PRMT7: variants seen among roughly 807,000 people sequenced by gnomAD.
PRMT7 encodes the protein protein arginine methyltransferase 7.
A neutral mutation model predicts 85.4 loss-of-function variants in PRMT7; 75 were observed. The ratio of observed to expected loss-of-function variants is 0.88; its 90% CI spans 0.73 to 1.06. The LOEUF (loss-of-function observed/expected upper bound fraction) is 1.06. PRMT7 is among the 50% of genes least tolerant of loss of function. The pLI is 0.00. For missense variants in PRMT7, 868 were observed against 915.2 expected, an observed-to-expected ratio of 0.95 and a Z score of 0.67; for synonymous variants, 397 against 359.5, an observed-to-expected ratio of 1.10 and a Z score of -1.18.
intron 2 of PRMT7, among the ~76,000 whole-genome samples, chr16:68,313,232 T>C (rs966041375): frequency 7.9e-5 from 12 of 152,128 alleles, no homozygotes; most frequent in Admixed American, 2.6e-4. Context: ...GTTTTTTTTT[T>C]CCTCCAGTTC....
chr16:68,321,427 T>A lies in PRMT7; in HGVS notation c.97T>A (p.Ser33Thr), dbSNP rs2082482271. ...HYDYHQEIAR[S>T]SYADMLHDKD... The stretch of plus-strand genomic sequence containing the variant: ...GTTACTGACTTTTTTGTTTTTTAGG[T>A]CATCTTATGCAGATATGCTACATGA... Residue 33 changes from serine (S) to threonine (T), a missense_variant and splice_region_variant, in exon 4 of 19, where the codon TCA becomes ACA. Coordinates refer to ENST00000441236, the MANE Select transcript of PRMT7 (RefSeq NM_019023.5). 3.7e-6 allele frequency: 6 copies of A among 1,608,876 alleles called. No homozygotes were observed. The East Asian group carries it at 1.1e-4, about 30-fold the overall frequency.
chr16:68,345,514 C>T (rs556148696), intron 9 of PRMT7, among the ~76,000 whole-genome samples, 161 bp from the exon 10 acceptor site: 3 of 152,314 alleles, frequency 2.0e-5, no homozygotes, highest in Admixed American at 2.0e-4. Context: ...GGCCACTGGC[C>T]TCTGAGTTTA....
rs375976443 is a variant in PRMT7 at position 68,348,379 on chromosome 16, T to G, written c.1361T>G (p.Ile454Ser). The change falls in exon 14 of 19, where the codon ATC becomes AGC. Residue 454 changes from isoleucine to serine, a missense_variant. Ile to Ser is a moderately radical substitution (Grantham distance 142). Coordinates refer to ENST00000441236, the MANE Select transcript of PRMT7 (RefSeq NM_019023.5). Reference protein sequence around the residue: ...KANHLEDKINIIEKRPELLTN... With the variant: ...KANHLEDKINSIEKRPELLTN... ...AACCACTTGGAAGATAAAATTAACA[T>G]CATAGAGAAACGGCCGGAATTATTA... The G allele has an allele frequency of 3.7e-6, 6 of 1,611,634 alleles. No individual in the cohort carries two copies. Among genetic ancestry groups the G allele is most frequent in the Non-Finnish European group, 5.1e-6 (6 of 1,177,896 alleles).
In PRMT7 at chr16:68,329,150, T is replaced by A; in HGVS notation, c.367T>A (p.Ser123Thr). The change falls in exon 6 of 19, where the codon TCC (serine) becomes ACC (threonine). Residue 123 changes from serine (S) to threonine (T), a missense_variant. Ser to Thr is a moderately conservative substitution (Grantham distance 58, BLOSUM62 1). Coordinates refer to ENST00000441236, the MANE Select transcript of PRMT7 (RefSeq NM_019023.5). ...TAAGATTAAGGTTATCAACAAGCAT[T>A]CCACCGAGGTGACTGTAGGTCCAGG... ...SDKIKVINKH[S>T]TEVTVGPEGD... is the part of the protein sequence containing the mutation. The A allele has an allele frequency of 6.2e-7, 1 of 1,604,076 alleles. No homozygotes were observed. Among genetic ancestry groups the A allele is most frequent in the Non-Finnish European group, 8.5e-7 (1 of 1,170,972 alleles).
At chr16:68,341,550 C>T (rs932079419) in intron 9 of PRMT7, among the ~76,000 whole-genome samples, 38 of 152,186 alleles carry the variant, frequency 2.5e-4, no homozygotes, top group Non-Finnish European at 4.9e-4. Context: ...GCTGGGATTA[C>T]GGGCATGCGC....
chr16:68,339,435 A>G lies in PRMT7; in HGVS notation c.618A>G (p.Gly206=), dbSNP rs2085188432. The G allele has an allele frequency of 6.2e-7, 1 of 1,614,204 alleles. No homozygotes were observed. The highest frequency in any genetic ancestry group is 8.5e-7 in the Non-Finnish European group (1 of 1,180,028). ...LFPIHVQTSL[G]EQVIVPPVDV... is the part of the protein sequence containing the mutation. ...CCATCCACGTGCAGACCAGCCTCGG[A>G]GAGCAGGTCATCGTCCCTCCCGTTG... The change falls in exon 8 of 19, where the codon GGA becomes GGG. Residue 206 remains glycine (G), a synonymous_variant. Coordinates refer to ENST00000441236, the MANE Select transcript of PRMT7 (RefSeq NM_019023.5).
Position 68,357,778 on chromosome 16 carries a change from C to G in PRMT7, c.*554C>G, listed in dbSNP as rs951261291. ...GGCCCTTTCACCTGACAGGTAACTT[C>G]AAGCCACATCCATAGGTGTCTGGCC... On this transcript the variant is annotated 3_prime_UTR_variant, in exon 19 of 19. Transcript: ENST00000441236. 6.6e-6 allele frequency: 1 copy of G among 151,994 alleles called. No homozygotes were observed. The highest frequency in any genetic ancestry group is 1.5e-5 in the Non-Finnish European group (1 of 68,584). 9.4% of individuals were successfully genotyped at this position (151,994 alleles called of 1,614,324 possible). A position where few individuals can be genotyped will look rare whatever the true frequency, so the allele number is the denominator to read the frequency against.
At chr16:68,359,262 G>A (rs898399603), downstream of PRMT7, 1 of 152,544 alleles carries the variant, frequency 6.6e-6, no homozygotes, top group African/African-American at 2.4e-5. Context: ...AGCTGCTTCT[G>A]GAAGTTGGGG....
chr16:68,337,711 C>T, intron 7 of PRMT7, 140 bp downstream of exon 7: 2 of 432,614 alleles, frequency 4.6e-6, no homozygotes, highest in South Asian at 1.4e-4. Flanking sequence ...CCTGGGGGGG[C>T]TCTGGTTCTC....
In PRMT7 at chr16:68,352,403, G is replaced by A. The variant is rs750470700; in HGVS notation, c.1569G>A (p.Glu523=). The A allele has an allele frequency of 5.0e-6, 8 of 1,598,666 alleles. No homozygotes were observed. The highest frequency in any genetic ancestry group is 6.8e-6 in the Non-Finnish European group (8 of 1,176,206). ...QAASLHAVVV[E]FRDLWRIRSP... is the part of the protein sequence containing the mutation. ...CCTCGCTGCACGCTGTGGTTGTGGA[G>A]TTCAGGGTAGGCCACCCAGGGGATG... is the stretch of plus-strand genomic sequence containing the variant. The change falls in exon 15 of 19, where the codon GAG becomes GAA. Residue 523 remains glutamate, a synonymous_variant. Coordinates refer to ENST00000441236, the MANE Select transcript of PRMT7 (RefSeq NM_019023.5).
rs1218228054 is a variant in PRMT7, at chr16:68,340,583, A to T, written c.927+615A>T. 7.5e-4 allele frequency among the ~76,000 whole-genome samples: 15 copies of T among 20,092 alleles called. No individual in the cohort carries two copies. In the East Asian group the frequency reaches 0.049, roughly 66 times the overall value. The allele number at this position is 20,092 out of a possible 152,430, so 13.2% of individuals were successfully genotyped here. Reference sequence around the variant, plus strand: ...GCAATAAGATGAGAACCTGTCTCTAAAAAAAAAAAAAAAGAGAAATGCAAC... The same window carrying T: ...GCAATAAGATGAGAACCTGTCTCTATAAAAAAAAAAAAAGAGAAATGCAAC... On this transcript the variant is annotated intron_variant, in intron 9 of 18. Coordinates refer to ENST00000441236, the MANE Select transcript of PRMT7 (RefSeq NM_019023.5).
At chr16:68,344,859 A>G (rs892687549) in intron 9 of PRMT7, among the ~76,000 whole-genome samples, 1 of 151,360 alleles carries the variant, frequency 6.6e-6, no homozygotes, top group African/African-American at 2.4e-5. Flanking sequence ...CGCTTTATTA[A>G]TTTAAATTTA....
At chr16:68,359,859 GGGGGCTGTAGGCATCTT>G (rs1417705123), downstream of PRMT7, 11 of 152,264 alleles carry the variant, frequency 7.2e-5, no homozygotes, top group Non-Finnish European at 1.2e-4. Context: ...GAAGGGGCCT[GGGGGCTGTAGGCATCTT>G]GGGGCTGGAG....
intron 9 of PRMT7, among the ~76,000 whole-genome samples, chr16:68,340,924 C>G (rs2085430854): frequency 6.6e-6 from 1 of 152,178 alleles, no homozygotes; most frequent in Non-Finnish European, 1.5e-5. Context: ...TGGATTATTA[C>G]CTGACACAAA....
In PRMT7 at chr16:68,348,340, AG is replaced by A. The variant is rs1422783568; in HGVS notation, c.1324-1del. On this transcript the variant is annotated splice_acceptor_variant, in intron 13 of 18. Transcript: ENST00000441236. LOFTEE classifies it high-confidence loss of function. ...CAGTAATTTTACGGTTTTCTTTCTA[AG>A]ATCTTCAAGGCTAACCACTTGGAAG... The A allele has an allele frequency of 1.9e-6, 3 of 1,592,844 alleles. No individual in the cohort carries two copies. Among genetic ancestry groups the A allele is most frequent in the Admixed American group, 3.4e-5 (2 of 59,534 alleles).
chr16:68,315,868 T>C, intron 2 of PRMT7, 29 bp from the exon 3 acceptor site: 1 of 863,800 alleles, frequency 1.2e-6, no homozygotes, highest in Non-Finnish European at 1.9e-6. Context: ...TTTGTTTATA[T>C]ACCTCCTGTT....
chr16:68,360,724 T>G, downstream of PRMT7: 1 of 158,504 alleles, frequency 6.3e-6, no homozygotes, highest in Non-Finnish European at 1.4e-5. Context: ...CTGGTTCTGA[T>G]TGTGTTTGGA....
In PRMT7 at chr16:68,316,018, G is replaced by T; in HGVS notation, c.39G>T (p.Gly13=). ...GCAGTCGGGCCAATCCGACCACGGGGTCTGTGGAGTGGCTGGAGGAGGATG... is the reference window on the plus strand; with the variant it reads ...GCAGTCGGGCCAATCCGACCACGGGTTCTGTGGAGTGGCTGGAGGAGGATG... ...IFCSRANPTT[G]SVEWLEEDEH... The change falls in exon 3 of 19, where the codon GGG becomes GGT. Residue 13 remains glycine (G), a synonymous_variant. Coordinates refer to ENST00000441236, the MANE Select transcript of PRMT7 (RefSeq NM_019023.5). 1 of 1,613,776 alleles carries T rather than the reference G, an allele frequency of 6.2e-7. No homozygotes were observed. Among genetic ancestry groups the T allele is most frequent in the South Asian group, 1.1e-5 (1 of 90,898 alleles).
chr16:68,360,026 G>A (rs143079653), downstream of PRMT7: 1,616 of 153,284 alleles, frequency 0.011, 16 homozygotes, highest in South Asian at 0.045. Flanking sequence ...GCTGCTCTCT[G>A]CACCTTGGCT....
Sources: allele counts gnomAD v4.1 joint callset (sites outside exome capture counted in the v4.1 genomes callset), GRCh38; gene constraint gnomAD v4.1.1; transcripts MANE v1.5; gene names NCBI Gene and HGNC (gene_info 2026-07-23, HGNC 2026-07-21).